The following CLEC6A variants were observed in gnomAD, a reference collection of about 807,000 sequenced individuals.
CLEC6A encodes the protein C-type lectin domain family 6 member A.
CLEC6A carries 22 observed loss-of-function variants against 25.7 expected under a neutral mutation model. That is an observed-to-expected ratio of 0.85 (90% CI 0.61 to 1.22). The LOEUF (loss-of-function observed/expected upper bound fraction) is 1.22. Ranked by LOEUF, CLEC6A falls within the 50% of genes most tolerant of loss-of-function variation. The pLI is 0.00. For missense variants in CLEC6A, 240 were observed against 236.8 expected (o/e 1.01, Z -0.09); for synonymous variants, 92 against 76.7 (o/e 1.20, Z -1.04).
intron 3 of CLEC6A, chr12:8,460,656 G>A: frequency 2.0e-6 from 3 of 1,489,008 alleles, no homozygotes; most frequent in South Asian, 2.3e-5. Context: ...TATGGAGAAA[G>A]AAGCAGTCTG....
At chr12:8,476,007 C>A in intron 4 of CLEC6A, 118 bp from the exon 5 acceptor site, 1 of 586,518 alleles carries the variant, frequency 1.7e-6, no homozygotes, top group Non-Finnish European at 2.9e-6. Context: ...CATCATGTGA[C>A]TGCTCCTTGC....
chr12:8,474,258 G>A (rs949980770), intron 4 of CLEC6A, among the ~76,000 whole-genome samples: 1 of 152,090 alleles, frequency 6.6e-6, no homozygotes, highest in African/African-American at 2.4e-5. Flanking sequence ...TATGGTGAAA[G>A]GTAGGGGTTC....
intron 2 of CLEC6A, 48 bp downstream of exon 2, chr12:8,458,035 T>C: frequency 7.6e-7 from 1 of 1,323,732 alleles, no homozygotes; most frequent in African/African-American, 1.4e-5. Context: ...TTCCCTTGAA[T>C]ATTCCATACA....
intron 3 of CLEC6A, among the ~76,000 whole-genome samples, chr12:8,463,734 C>A (rs1253600206): frequency 6.6e-6 from 1 of 152,212 alleles, no homozygotes; most frequent in Non-Finnish European, 1.5e-5. Flanking sequence ...AAAAAGTGTT[C>A]TAATAAGGCT....
chr12:8,457,857 GC>G (rs1420432554), intron 1 of CLEC6A, 40 bp from the exon 2 acceptor site: 2 of 1,479,320 alleles, frequency 1.4e-6, no homozygotes. Context: ...TGGCTCCCTG[GC>G]CCCCTGGTAA....
chr12:8,472,905 C>A (rs1212385060), intron 4 of CLEC6A, among the ~76,000 whole-genome samples: 2 of 151,896 alleles, frequency 1.3e-5, no homozygotes, highest in East Asian at 3.9e-4. Flanking sequence ...TACCCCATTC[C>A]ATTCCCTCTC....
intron 4 of CLEC6A, among the ~76,000 whole-genome samples, chr12:8,473,856 G>A (rs1939938031): frequency 6.6e-6 from 1 of 151,356 alleles, no homozygotes; most frequent in Non-Finnish European, 1.5e-5. Context: ...TATGTTTGTT[G>A]GCTGCTTATA....
chr12:8,468,885 G>T (rs1457626912), intron 4 of CLEC6A, among the ~76,000 whole-genome samples: 1 of 152,068 alleles, frequency 6.6e-6, no homozygotes, highest in African/African-American at 2.4e-5. Flanking sequence ...AACAAGACAA[G>T]GATGCCCACT....
At position 8,475,344 on chromosome 12, in the gene CLEC6A, ATGTGTG is replaced by A. The variant is rs59891632; in HGVS notation, c.370-763_370-758del. On this transcript the variant is annotated intron_variant, in intron 4 of 5. Coordinates refer to ENST00000382073, the MANE Select transcript of CLEC6A (RefSeq NM_001007033.2). ...ACTCTCTCTATATATATATATATGT[ATGTGTG>A]TGTGTGTGTGTGTGTGTCTATACAC... 9.4e-5 allele frequency among the ~76,000 whole-genome samples: 14 copies of A among 148,964 alleles called. No homozygotes were observed. The East Asian group carries it at 1.6e-3, about 17-fold the overall frequency.
intron 4 of CLEC6A, among the ~76,000 whole-genome samples, chr12:8,475,816 C>T (rs1939966915): frequency 6.6e-6 from 1 of 151,950 alleles, no homozygotes; most frequent in Non-Finnish European, 1.5e-5. Flanking sequence ...ATTACACCAT[C>T]TCAACATATA....
rs903695194 is a variant in CLEC6A at position 8,455,992 on chromosome 12, T to G, written c.-120T>G. The G allele has an allele frequency of 2.5e-6, 2 of 791,268 alleles. No homozygotes were observed. Among genetic ancestry groups the G allele is most frequent in the Non-Finnish European group, 4.3e-6 (2 of 468,732 alleles). 49.0% of individuals were successfully genotyped at this position (791,268 alleles called of 1,614,324 possible). ...TGGAAGTCTCTTAGTCCTATAAGAG[T>G]GTGTAGCAGTTTGTCCCTGAGCTCT... On this transcript the variant is annotated 5_prime_UTR_variant, in exon 1 of 6. Coordinates refer to ENST00000382073, the MANE Select transcript of CLEC6A (RefSeq NM_001007033.2).
At chr12:8,466,337 G>C (rs1411488796) in intron 4 of CLEC6A, among the ~76,000 whole-genome samples, 1 of 152,152 alleles carries the variant, frequency 6.6e-6, no homozygotes, top group Non-Finnish European at 1.5e-5. Flanking sequence ...GAATAATTGT[G>C]CAATGAATGT....
chr12:8,459,419 T>C (rs1939722388), intron 2 of CLEC6A, among the ~76,000 whole-genome samples, 178 bp from the exon 3 acceptor site: 1 of 151,998 alleles, frequency 6.6e-6, no homozygotes, highest in Admixed American at 6.6e-5. Context: ...ATGAGGGATA[T>C]ATATAAAAAA....
intron 4 of CLEC6A, among the ~76,000 whole-genome samples, chr12:8,466,259 A>G (rs1235698311): frequency 6.6e-6 from 1 of 152,212 alleles, no homozygotes; most frequent in Non-Finnish European, 1.5e-5. Flanking sequence ...AGAACACATA[A>G]GATGCTACAT....
chr12:8,476,885 G>A (rs1266496718), intron 5 of CLEC6A, among the ~76,000 whole-genome samples: 8 of 152,048 alleles, frequency 5.3e-5, no homozygotes, highest in Admixed American at 4.6e-4. Context: ...ATTCCCTGGA[G>A]GCAGGGTAAC....
At position 8,456,066 on chromosome 12, in the gene CLEC6A, A is replaced by C. The variant is rs1024277471; in HGVS notation, c.-46A>C. The C allele has an allele frequency of 3.1e-6, 5 of 1,599,862 alleles. No individual in the cohort carries two copies. Among genetic ancestry groups the C allele is most frequent in the Admixed American group, 1.7e-5 (1 of 59,848 alleles). ...CTCTGGGCAACATCTTTAGGGAGAG[A>C]GGTACAAAAGGTTCCTGGACCTTCT... On this transcript the variant is annotated 5_prime_UTR_variant, in exon 1 of 6. Transcript: ENST00000382073.
At chr12:8,467,253 C>A (rs755580757) in intron 4 of CLEC6A, among the ~76,000 whole-genome samples, 64 of 152,218 alleles carry the variant, frequency 4.2e-4, no homozygotes, top group African/African-American at 1.5e-3. Flanking sequence ...GGTTTCATAT[C>A]CAATACATTG....
intron 4 of CLEC6A, among the ~76,000 whole-genome samples, chr12:8,466,241 T>C (rs1463865098): frequency 6.6e-6 from 1 of 152,232 alleles, no homozygotes; most frequent in Non-Finnish European, 1.5e-5. Context: ...TTCTCCTTTT[T>C]TGTGGTGAGA....
At chr12:8,459,176 T>G (rs907545985) in intron 2 of CLEC6A, among the ~76,000 whole-genome samples, 2 of 151,886 alleles carry the variant, frequency 1.3e-5, no homozygotes, top group Non-Finnish European at 1.5e-5. Flanking sequence ...TGTTTGTGAT[T>G]AAAAAAAATT....
Sources: gnomAD v4.1 joint callset for allele counts (sites outside exome capture counted in the v4.1 genomes callset) on GRCh38, gnomAD v4.1.1 for gene constraint, MANE v1.5 for transcripts, NCBI Gene and HGNC (gene_info 2026-07-23, HGNC 2026-07-21) for gene names.